Variants in TSC2 observed in about 807,000 individuals in gnomAD.
TSC2 encodes the protein TSC complex subunit 2, also known as tuberin.
In TSC2, 29 loss-of-function variants were observed where a neutral mutation model predicts 202.2. The ratio of observed to expected loss-of-function variants is 0.14; its 90% CI spans 0.11 to 0.20. The LOEUF (loss-of-function observed/expected upper bound fraction) is 0.20. Among genes scored for constraint, TSC2 ranks in the 10% least tolerant of loss-of-function variants. The pLI is 1.00. For synonymous variants in TSC2, 1,349 were observed against 1,044.0 expected, an observed-to-expected ratio of 1.29 and a Z score of -5.63; for missense variants, 2,429 against 2,420.0, an observed-to-expected ratio of 1.00 and a Z score of -0.08.
At chr16:2,059,518 T>TG (rs913587979) in intron 10 of TSC2, among the ~76,000 whole-genome samples, 2 of 145,212 alleles carry the variant, frequency 1.4e-5, no homozygotes, top group African/African-American at 2.5e-5. Flanking sequence ...GGTTTTTTTT[T>TG]TTTTTTTTTT....
chr16:2,055,621 A>T (rs889894407), intron 6 of TSC2, 102 bp downstream of exon 6: 1 of 1,132,438 alleles, frequency 8.8e-7, no homozygotes, highest in Non-Finnish European at 1.3e-6. Context: ...GGCTGGGCAC[A>T]ATGGCTCACG....
chr16:2,083,854 G>C (rs1200716412), intron 33 of TSC2, 38 bp downstream of exon 33: 1 of 1,595,406 alleles, frequency 6.3e-7, no homozygotes, highest in African/African-American at 1.3e-5. Flanking sequence ...GCTGACCTCG[G>C]GGGGCTCCTT....
Position 2,058,960 on chromosome 16 carries a change from G to C in TSC2, c.975+87G>C, listed in dbSNP as rs2086263632. 1.7e-5 allele frequency: 26 copies of C among 1,550,462 alleles called. No individual in the cohort carries two copies. In the South Asian group the frequency reaches 3.1e-4, roughly 18 times the overall value. Reference sequence around the variant, plus strand: ...CACCCATCCCACTGGGGGTCCTGCTGCGGGGGCTGCGGTGGCATTTCTAGG... The same window carrying C: ...CACCCATCCCACTGGGGGTCCTGCTCCGGGGGCTGCGGTGGCATTTCTAGG... On this transcript the variant is annotated intron_variant, in intron 10 of 41. Transcript: ENST00000219476.
chr16:2,064,486 T>C, intron 15 of TSC2, 59 bp downstream of exon 15: 1 of 1,609,582 alleles, frequency 6.2e-7, no homozygotes, highest in Non-Finnish European at 8.5e-7. Flanking sequence ...TGGGCAGCAA[T>C]GGCCTCTGGG....
At chr16:2,056,897 A>G in intron 8 of TSC2, 128 bp downstream of exon 8, 2 of 1,505,960 alleles carry the variant, frequency 1.3e-6, no homozygotes, top group South Asian at 1.1e-5. Flanking sequence ...AGGGACGGCC[A>G]GTGTCATTTT....
In TSC2 at chr16:2,081,275, C is replaced by T. The variant is rs140874290; in HGVS notation, c.3611-320C>T. On this transcript the variant is annotated intron_variant, in intron 30 of 41. Transcript: ENST00000219476. ...TTTGCAGAGGCCCAGAGCCCAGGGG[C>T]GCCTGGGTGTGCCGTGGCTGAGGGG... 225 of 422,730 alleles carry T rather than the reference C, an allele frequency of 5.3e-4. 3 individuals carry two copies. The East Asian group carries it at 0.01, about 20-fold the overall frequency. 26.2% of individuals were successfully genotyped at this position (422,730 alleles called of 1,614,324 possible).
chr16:2,048,000 C>G lies in TSC2; in HGVS notation c.-95C>G, dbSNP rs376254965. Reference sequence around the variant, plus strand: ...TGCGGGTCGCGCTTCCGGCGGCGTCCCGGGGCCAGGGGGGTGCGCCTTTCT... The same window carrying G: ...TGCGGGTCGCGCTTCCGGCGGCGTCGCGGGGCCAGGGGGGTGCGCCTTTCT... On this transcript the variant is annotated 5_prime_UTR_variant, in exon 1 of 42. Transcript: ENST00000219476. The G allele has an allele frequency of 1.1e-5, 16 of 1,506,476 alleles. No individual in the cohort carries two copies. In the East Asian group the frequency reaches 3.8e-4, roughly 36 times the overall value. 93.3% of individuals were successfully genotyped at this position (1,506,476 alleles called of 1,614,324 possible).
chr16:2,087,223 C>G, intron 38 of TSC2: 1 of 398,240 alleles, frequency 2.5e-6, no homozygotes. Flanking sequence ...GTTATCGCCA[C>G]GCACCACTAG....
intron 7 of TSC2, 95 bp from the exon 8 acceptor site, chr16:2,056,549 C>T (rs1030958826): frequency 7.8e-6 from 12 of 1,536,774 alleles, no homozygotes; most frequent in African/African-American, 5.5e-5. Context: ...GAGGTGGCAG[C>T]GCAGGCTGAA....
In TSC2 at chr16:2,087,877, T is replaced by A. The variant is rs745787082; in HGVS notation, c.5004T>A (p.Phe1668Leu). 6.2e-7 allele frequency: 1 copy of A among 1,612,638 alleles called. No individual in the cohort carries two copies. The highest frequency in any genetic ancestry group is 8.5e-7 in the Non-Finnish European group (1 of 1,179,956). ...KLGTIKGQFN[F>L]VHVIVTPLDY... ...TGTCCGGGCAGGGCCAGTTCAACTT[T>A]GTCCACGTGATCGTCACCCCGCTGG... is the stretch of plus-strand genomic sequence containing the variant. The change falls in exon 39 of 42, where the codon TTT becomes TTA. Residue 1668 changes from phenylalanine to leucine, a missense_variant. Phe to Leu is a conservative substitution (Grantham distance 22). Coordinates refer to ENST00000219476, the MANE Select transcript of TSC2 (RefSeq NM_000548.5).
rs1240712658 is a variant in TSC2, at chr16:2,071,859, T to C, written c.2022T>C (p.Pro674=). The part of the protein sequence containing the change: ...SPPTGPPGPA[P]AGPAVRLGSV... ...CCACAGGGCCTCCTGGCCCGGCGCCTGCAGGCCCCGCCGTGCGGCTGGGGT... is the reference window on the plus strand; with the variant it reads ...CCACAGGGCCTCCTGGCCCGGCGCCCGCAGGCCCCGCCGTGCGGCTGGGGT... Residue 674 remains proline, a synonymous_variant, in exon 19 of 42, where the codon CCT becomes CCC. Transcript: ENST00000219476. 1 of 1,523,146 alleles carries C rather than the reference T, an allele frequency of 6.6e-7. No individual in the cohort carries two copies. Among genetic ancestry groups the C allele is most frequent in the Non-Finnish European group, 8.8e-7 (1 of 1,139,938 alleles). The allele number at this position is 1,523,146 out of a possible 1,614,324, so 94.4% of individuals were successfully genotyped here.
chr16:2,075,525 C>CAAA lies in TSC2; in HGVS notation c.2546-251_2546-249dup, dbSNP rs933350142. Among the ~76,000 whole-genome samples the CAAA allele has an allele frequency of 1.4e-3, 38 of 27,144 alleles. 1 individual carries two copies. The highest frequency in any genetic ancestry group is 3.2e-3 in the East Asian group (3 of 938). The allele number at this position is 27,144 out of a possible 152,430, so 17.8% of individuals were successfully genotyped here. A position where few individuals can be genotyped will look rare whatever the true frequency, so the allele number is the denominator to read the frequency against. ...CTGGGCGACAGAGCCAGACTCATCT[C>CAAA]AAAAAAAAAAAAAAAAAAAAAAAAA... On this transcript the variant is annotated intron_variant, in intron 22 of 41. Coordinates refer to ENST00000219476, the MANE Select transcript of TSC2 (RefSeq NM_000548.5).
rs1280828990 is a variant in TSC2, at chr16:2,071,941, G to C, written c.2097+7G>C. On this transcript the variant is annotated splice_region_variant and intron_variant, in intron 19 of 41. Transcript: ENST00000219476. ...GCTGCAGTGCTTGAAGCAGGTGAGTGGGGCCGGGCAGGGACCATCCGTCCC... is the reference window on the plus strand; with the variant it reads ...GCTGCAGTGCTTGAAGCAGGTGAGTCGGGCCGGGCAGGGACCATCCGTCCC... The C allele has an allele frequency of 1.9e-6, 3 of 1,569,392 alleles. No individual in the cohort carries two copies. Among genetic ancestry groups the C allele is most frequent in the Admixed American group, 3.7e-5 (2 of 54,522 alleles).
chr16:2,084,785 A>G (rs2151540273), intron 34 of TSC2, 70 bp downstream of exon 34: 1 of 1,598,506 alleles, frequency 6.3e-7, no homozygotes. Context: ...CACTTGCCCC[A>G]GGCCGAGCGG....
chr16:2,085,681 G>T (rs992959926), intron 36 of TSC2, among the ~76,000 whole-genome samples: 2 of 152,218 alleles, frequency 1.3e-5, no homozygotes, highest in African/African-American at 4.8e-5. Flanking sequence ...ACCAGCAGCG[G>T]GGGCCGGGCG....
intron 24 of TSC2, 21 bp from the exon 25 acceptor site, chr16:2,076,470 T>G (rs767210384): frequency 1.2e-6 from 2 of 1,612,894 alleles, no homozygotes; most frequent in South Asian, 2.2e-5. Flanking sequence ...CCTCACTGTC[T>G]GGGTGTGCTC....
chr16:2,079,295 C>T lies in TSC2; in HGVS notation c.3151C>T (p.Leu1051Phe). 6.2e-7 allele frequency: 1 copy of T among 1,613,024 alleles called. No homozygotes were observed. The highest frequency in any genetic ancestry group is 8.5e-7 in the Non-Finnish European group (1 of 1,180,024). ...TTCTAGGTCTCCTGTGGGCGAGTTC[C>T]TCCTAGCGGGTGGCAGGACCAAAAC... ...VPKRSPVGEF[L>F]LAGGRTKTWL... Residue 1051 changes from leucine to phenylalanine, a missense_variant, in exon 28 of 42, where the codon CTC (leucine) becomes TTC (phenylalanine). Coordinates refer to ENST00000219476, the MANE Select transcript of TSC2 (RefSeq NM_000548.5). This position sits in a 1 kb window ranked among gnomAD's most constrained non-coding sequence, Gnocchi z 4.6.
At chr16:2,086,112 G>C (rs1567531851) in intron 36 of TSC2, 81 bp from the exon 37 acceptor site, 2 of 1,557,128 alleles carry the variant, frequency 1.3e-6, no homozygotes, top group East Asian at 4.5e-5. Context: ...TCCCGGCAGA[G>C]CCTGCTGGGC....
At position 2,072,887 on chromosome 16, in the gene TSC2, C is replaced by G; in HGVS notation, c.2259C>G (p.Ala753=). ...AGACACTGGAGCGGCTCCGAGGCGC[C>G]CCAGAAGGCTTCTCCAGAACTGACT... The part of the protein sequence containing the change: ...GPKTLERLRG[A]PEGFSRTDLH... Residue 753 remains alanine, a synonymous_variant, in exon 21 of 42, where the codon GCC becomes GCG. Coordinates refer to ENST00000219476, the MANE Select transcript of TSC2 (RefSeq NM_000548.5). 1 of 1,613,576 alleles carries G rather than the reference C, an allele frequency of 6.2e-7. No individual in the cohort carries two copies. The highest frequency in any genetic ancestry group is 8.5e-7 in the Non-Finnish European group (1 of 1,180,032).
Sources: allele counts gnomAD v4.1 joint callset (sites outside exome capture counted in the v4.1 genomes callset), GRCh38; gene constraint gnomAD v4.1.1; non-coding constraint Gnocchi (gnomAD v3.1); transcripts MANE v1.5; gene names NCBI Gene and HGNC (gene_info 2026-07-23, HGNC 2026-07-21).